CHL1: variants seen among roughly 807,000 people sequenced by gnomAD.
CHL1 encodes neural cell adhesion molecule L1-like protein.
In CHL1, 96 loss-of-function variants were observed where a neutral mutation model predicts 141.9. That is an observed-to-expected ratio of 0.68 (90% CI 0.57 to 0.80). The LOEUF is 0.80. CHL1 is among the 30% of genes least tolerant of loss of function. The pLI, the probability that CHL1 is intolerant of heterozygous loss-of-function variation, is 0.00. For missense variants in CHL1, 1,820 were observed against 1,457.2 expected (o/e 1.25, Z -4.05); for synonymous variants, 613 against 502.2 (o/e 1.22, Z -2.95).
chr3:308,109 ATTTAC>A (rs1170186950), intron 2 of CHL1, among the ~76,000 whole-genome samples: 4 of 152,168 alleles, frequency 2.6e-5, no homozygotes, highest in African/African-American at 9.7e-5. Context: ...TCAGATCCAT[ATTTAC>A]TTTAACGAGT....
At chr3:405,393 G>T in intron 27 of CHL1, 102 bp from the exon 28 acceptor site, 1 of 760,972 alleles carries the variant, frequency 1.3e-6, no homozygotes. Flanking sequence ...TAACACAAAT[G>T]TCCTGAAAAT....
At chr3:274,525 C>A (rs919004445) in intron 2 of CHL1, among the ~76,000 whole-genome samples, 5 of 152,180 alleles carry the variant, frequency 3.3e-5, no homozygotes, top group Non-Finnish European at 7.4e-5. Flanking sequence ...AGGTTATTAA[C>A]CCACAATATT....
chr3:376,273 G>C (rs188276184), intron 15 of CHL1: 4 of 413,000 alleles, frequency 9.7e-6, no homozygotes, highest in Admixed American at 7.9e-5. Context: ...GTGATTTTCT[G>C]TGTGACCCTA....
rs1709577626 is a variant in CHL1, at chr3:407,122, G to C, written c.*1411G>C. The C allele has an allele frequency of 6.6e-6, 1 of 152,098 alleles. No homozygotes were observed. The highest frequency in any genetic ancestry group is 2.1e-4 in the South Asian group (1 of 4,822). 9.4% of individuals were successfully genotyped at this position (152,098 alleles called of 1,614,324 possible). ...ATGTTTTAGAAACAATATGGAGGAT[G>C]ATGCATACATGTCGGTCAAGTTCAG... On this transcript the variant is annotated 3_prime_UTR_variant, in exon 28 of 28. Coordinates refer to ENST00000256509, the MANE Select transcript of CHL1 (RefSeq NM_006614.4).
intron 1 of CHL1, among the ~76,000 whole-genome samples, chr3:201,489 AGT>A (rs1363553130): frequency 7.9e-5 from 12 of 152,150 alleles, no homozygotes; most frequent in Non-Finnish European, 2.9e-5. Context: ...AATTATTAGA[AGT>A]GTGTGTGAGT....
At chr3:246,317 C>A (rs1693169771) in intron 2 of CHL1, among the ~76,000 whole-genome samples, 1 of 151,948 alleles carries the variant, frequency 6.6e-6, no homozygotes, top group Non-Finnish European at 1.5e-5. Context: ...CGCAAAACAC[C>A]CTTCTTGCTC....
chr3:337,674 T>C (rs1318302830), intron 5 of CHL1, among the ~76,000 whole-genome samples: 1 of 152,214 alleles, frequency 6.6e-6, no homozygotes, highest in Non-Finnish European at 1.5e-5. Flanking sequence ...GCTTCAACCA[T>C]GTCCCTACAA....
chr3:211,581 G>A lies in CHL1; in HGVS notation c.-175+14518G>A, dbSNP rs954753603. Among the ~76,000 whole-genome samples the A allele has an allele frequency of 5.9e-5, 9 of 152,100 alleles. No homozygotes were observed. In the South Asian group the frequency reaches 8.3e-4, roughly 14 times the overall value. ...GTGGCTTAGCCATTTTTCTCTCCAC[G>A]CTTAGGAACCATACATACTATCATT... On this transcript the variant is annotated intron_variant, in intron 1 of 27. Transcript: ENST00000256509.
intron 1 of CHL1, chr3:217,701 G>T (rs1276243616): frequency 6.6e-6 from 1 of 152,374 alleles, no homozygotes; most frequent in Non-Finnish European, 1.5e-5. Context: ...CTGGCACAAG[G>T]TGAGCTTAGG....
At chr3:338,804 A>T (rs998234263) in intron 5 of CHL1, among the ~76,000 whole-genome samples, 1 of 152,224 alleles carries the variant, frequency 6.6e-6, no homozygotes, top group Non-Finnish European at 1.5e-5. Flanking sequence ...TGAATTACAA[A>T]TTTACATTTT....
intron 26 of CHL1, among the ~76,000 whole-genome samples, chr3:399,531 T>A (rs113119302): frequency 6.6e-6 from 1 of 152,110 alleles, no homozygotes; most frequent in African/African-American, 2.4e-5. Flanking sequence ...TCCCAGCTAC[T>A]CGGAAGGCTG....
At chr3:264,263 C>T (rs767178279) in intron 2 of CHL1, among the ~76,000 whole-genome samples, 2 of 151,718 alleles carry the variant, frequency 1.3e-5, no homozygotes, top group Middle Eastern at 3.5e-3. Flanking sequence ...TTGTTCATAA[C>T]CCCTGCCTTT....
chr3:311,187 G>A (rs578105785), intron 2 of CHL1, among the ~76,000 whole-genome samples: 1 of 152,222 alleles, frequency 6.6e-6, no homozygotes, highest in South Asian at 2.1e-4. Context: ...AAACATCCAT[G>A]TACAAGTTTT....
intron 10 of CHL1, among the ~76,000 whole-genome samples, chr3:354,086 C>G (rs1180058983): frequency 6.6e-6 from 1 of 152,006 alleles, no homozygotes; most frequent in Admixed American, 6.6e-5. Flanking sequence ...TTGGGCTTCT[C>G]TCTCTCCCCT....
Position 215,300 on chromosome 3 carries a change from T to C in CHL1, c.-175+18237T>C, listed in dbSNP as rs1575614477. 2.0e-5 allele frequency among the ~76,000 whole-genome samples: 3 copies of C among 152,092 alleles called. No homozygotes were observed. The East Asian group carries it at 5.8e-4, about 29-fold the overall frequency. On this transcript the variant is annotated intron_variant, in intron 1 of 27. Coordinates refer to ENST00000256509, the MANE Select transcript of CHL1 (RefSeq NM_006614.4). The stretch of plus-strand genomic sequence containing the variant: ...CTAGAGGACAATATGCTAAGTGAAA[T>C]AAGCAAGGCACAGAAAGACTAATAT...
chr3:381,465 C>A lies in CHL1; in HGVS notation c.1877-714C>A, dbSNP rs1321841424. On this transcript the variant is annotated intron_variant, in intron 16 of 27. Transcript: ENST00000256509. The stretch of plus-strand genomic sequence containing the variant: ...AAGTCCCAACCTCCCCAGTGGCTTG[C>A]AGGTGAAGGTATTTAAAAGCAGGAG... Among the ~76,000 whole-genome samples the A allele has an allele frequency of 7.9e-5, 12 of 152,242 alleles. No individual in the cohort carries two copies. The East Asian group carries it at 2.1e-3, about 27-fold the overall frequency.
At chr3:351,312 G>A (rs752316042) in intron 10 of CHL1, among the ~76,000 whole-genome samples, 1 of 152,188 alleles carries the variant, frequency 6.6e-6, no homozygotes, top group East Asian at 1.9e-4. Flanking sequence ...CTATTGAGAT[G>A]TAAATGATGT....
chr3:353,006 T>C (rs1481291090), intron 10 of CHL1, among the ~76,000 whole-genome samples: 10 of 152,220 alleles, frequency 6.6e-5, no homozygotes, highest in Non-Finnish European at 1.3e-4. Context: ...GAACAGGAAC[T>C]GGAGCTTCCT....
At chr3:273,426 A>C (rs1695813556) in intron 2 of CHL1, among the ~76,000 whole-genome samples, 1 of 152,170 alleles carries the variant, frequency 6.6e-6, no homozygotes, top group African/African-American at 2.4e-5. Context: ...AATTCCATAA[A>C]GACAATTATC....
Sources: gnomAD v4.1 joint callset for allele counts (sites outside exome capture counted in the v4.1 genomes callset) on GRCh38, gnomAD v4.1.1 for gene constraint, MANE v1.5 for transcripts, NCBI Gene and HGNC (gene_info 2026-07-23, HGNC 2026-07-21) for gene names.